RCSD1: variants seen among roughly 807,000 people sequenced by gnomAD.
The protein encoded by RCSD1 is capZ-interacting protein.
In RCSD1, 26 loss-of-function variants were observed where a neutral mutation model predicts 42.5. That is an observed-to-expected ratio of 0.61 (90% confidence interval 0.45 to 0.85). The LOEUF (loss-of-function observed/expected upper bound fraction) is 0.85, where lower values mean the gene tolerates loss of function less well. Among genes scored for constraint, RCSD1 ranks in the 40% least tolerant of loss-of-function variants. The pLI is 0.00. For synonymous variants in RCSD1, 220 were observed against 212.2 expected (o/e 1.04, Z -0.32); for missense variants, 571 against 528.3 (o/e 1.08, Z -0.79).
intron 1 of RCSD1, among the ~76,000 whole-genome samples, chr1:167,670,309 T>C (rs551886112): frequency 7.0e-6 from 1 of 143,624 alleles, no homozygotes; most frequent in South Asian, 2.4e-4. Flanking sequence ...AAATCACCCA[T>C]GCCAGCTATG....
intron 4 of RCSD1, among the ~76,000 whole-genome samples, chr1:167,692,986 A>C (rs555298653): frequency 1.3e-5 from 2 of 152,316 alleles, no homozygotes; most frequent in South Asian, 2.1e-4. Flanking sequence ...AAGTCAGGCC[A>C]AAAGGTTTGG....
chr1:167,704,988 A>AG lies in RCSD1; in HGVS notation c.*293dup. 3.1e-6 allele frequency: 1 copy of AG among 320,012 alleles called. No individual in the cohort carries two copies. The highest frequency in any genetic ancestry group is 6.0e-6 in the Non-Finnish European group (1 of 167,930). 19.8% of individuals were successfully genotyped at this position (320,012 alleles called of 1,614,324 possible). On this transcript the variant is annotated 3_prime_UTR_variant, in exon 7 of 7. Coordinates refer to ENST00000367854, the MANE Select transcript of RCSD1 (RefSeq NM_052862.4). Reference sequence around the variant, plus strand: ...CTTAAAACAATGTACTGTGGTGATGAGTCCCAGGGGCACTGGTCAGCCTGT... The same window carrying AG: ...CTTAAAACAATGTACTGTGGTGATGAGGTCCCAGGGGCACTGGTCAGCCTGT...
Position 167,697,833 on chromosome 1 carries a change from C to G in RCSD1, c.1209C>G (p.Pro403=). 1 of 1,463,494 alleles carries G rather than the reference C, an allele frequency of 6.8e-7. No individual in the cohort carries two copies. Among genetic ancestry groups the G allele is most frequent in the Non-Finnish European group, 9.0e-7 (1 of 1,107,566 alleles). 90.7% of individuals were successfully genotyped at this position (1,463,494 alleles called of 1,614,324 possible). Residue 403 remains proline, a synonymous_variant, in exon 6 of 7, where the codon CCC becomes CCG. Transcript: ENST00000367854. ...SSEVQSEPAV[P]KPEDDTPVQD... ...AGGTCCAGAGCGAGCCAGCAGTCCC[C>G]AAGCCGGAGGTAGGTGGCCTGGCTC...
At chr1:167,638,549 TG>T (rs1657915814) in intron 1 of RCSD1, 1 of 152,298 alleles carries the variant, frequency 6.6e-6, no homozygotes, top group Admixed American at 6.5e-5. Flanking sequence ...AGCACCTGTG[TG>T]GGCTCTCGGG....
intron 3 of RCSD1, among the ~76,000 whole-genome samples, chr1:167,686,811 A>G (rs1659246800): frequency 6.6e-6 from 1 of 152,200 alleles, no homozygotes; most frequent in African/African-American, 2.4e-5. Flanking sequence ...ACTGCTATGC[A>G]ATGGGTTGAG....
intron 1 of RCSD1, among the ~76,000 whole-genome samples, chr1:167,673,025 G>T (rs1430980245): frequency 6.6e-6 from 1 of 152,136 alleles, no homozygotes; most frequent in Non-Finnish European, 1.5e-5. Context: ...GGCTGAGACT[G>T]CAAGAGCTCA....
chr1:167,697,441 G>C lies in RCSD1; in HGVS notation c.817G>C (p.Gly273Arg), dbSNP rs1483195094. The C allele has an allele frequency of 6.2e-7, 1 of 1,611,992 alleles. No individual in the cohort carries two copies. Among genetic ancestry groups the C allele is most frequent in the Non-Finnish European group, 8.5e-7 (1 of 1,179,154 alleles). ...CAGGCGGAGTTCAGAGGAGGTGGAC[G>C]GCCAGCACCCGGCCCAAGAGGAGGT... ...KARRSSEEVD[G>R]QHPAQEEVPE... is the part of the protein sequence containing the mutation. The change falls in exon 6 of 7, where the codon GGC (glycine) becomes CGC (arginine). Residue 273 changes from glycine to arginine, a missense_variant. Coordinates refer to ENST00000367854, the MANE Select transcript of RCSD1 (RefSeq NM_052862.4).
chr1:167,680,337 G>T (rs1450821552), intron 1 of RCSD1, among the ~76,000 whole-genome samples: 1 of 152,102 alleles, frequency 6.6e-6, no homozygotes, highest in African/African-American at 2.4e-5. Flanking sequence ...CCATGGGGGT[G>T]AGTTGAGGGT....
rs1252985152 is a variant in RCSD1 at position 167,704,997 on chromosome 1, G to A, written c.*301G>A. On this transcript the variant is annotated 3_prime_UTR_variant, in exon 7 of 7. Coordinates refer to ENST00000367854, the MANE Select transcript of RCSD1 (RefSeq NM_052862.4). ...ATGTACTGTGGTGATGAGTCCCAGGGGCACTGGTCAGCCTGTGGAGCCCTG... is the reference window on the plus strand; with the variant it reads ...ATGTACTGTGGTGATGAGTCCCAGGAGCACTGGTCAGCCTGTGGAGCCCTG... 3.3e-6 allele frequency: 1 copy of A among 299,428 alleles called. No individual in the cohort carries two copies. The highest frequency in any genetic ancestry group is 6.4e-6 in the Non-Finnish European group (1 of 156,340). 18.5% of individuals were successfully genotyped at this position (299,428 alleles called of 1,614,324 possible).
intron 1 of RCSD1, among the ~76,000 whole-genome samples, chr1:167,661,242 G>A (rs905201965): frequency 6.6e-6 from 1 of 152,202 alleles, no homozygotes. Context: ...AAATGAAGTC[G>A]AGAAAAGATA....
rs142997417 is a variant in RCSD1, at chr1:167,632,553, C to G, written c.6+2124C>G. Among the ~76,000 whole-genome samples, 946 of 152,148 alleles carry G rather than the reference C, an allele frequency of 6.2e-3. 8 individuals carry two copies. Among genetic ancestry groups the G allele is most frequent in the East Asian group, 0.023 (117 of 5,172 alleles). On this transcript the variant is annotated intron_variant, in intron 1 of 6. Coordinates refer to ENST00000367854, the MANE Select transcript of RCSD1 (RefSeq NM_052862.4). ...GGATTGCAGTAAAAGAGAAGGCCCTCCCTTATTGAGATGTGTAGTAACTTA... is the reference window on the plus strand; with the variant it reads ...GGATTGCAGTAAAAGAGAAGGCCCTGCCTTATTGAGATGTGTAGTAACTTA...
At chr1:167,642,567 C>T (rs1658033639) in intron 1 of RCSD1, among the ~76,000 whole-genome samples, 1 of 152,180 alleles carries the variant, frequency 6.6e-6, no homozygotes, top group Non-Finnish European at 1.5e-5. Context: ...TTAAGGGCAT[C>T]TGTTTAGACT....
At chr1:167,703,326 G>C (rs938948705) in intron 6 of RCSD1, among the ~76,000 whole-genome samples, 5 of 151,902 alleles carry the variant, frequency 3.3e-5, no homozygotes, top group Admixed American at 6.6e-5. Flanking sequence ...CCTCAGCCCC[G>C]AGCATGACCA....
chr1:167,691,342 T>C (rs902245305), intron 4 of RCSD1, among the ~76,000 whole-genome samples: 1 of 152,180 alleles, frequency 6.6e-6, no homozygotes, highest in Non-Finnish European at 1.5e-5. Flanking sequence ...GAGTAATTAA[T>C]GAATGTTTTA....
intron 1 of RCSD1, 118 bp downstream of exon 1, chr1:167,630,547 C>G: frequency 2.6e-6 from 3 of 1,143,028 alleles, no homozygotes; most frequent in Non-Finnish European, 3.5e-6. Context: ...CTGCTGCCAA[C>G]TAGAAGGGCA....
At position 167,697,626 on chromosome 1, in the gene RCSD1, A is replaced by G. The variant is rs1300602470; in HGVS notation, c.1002A>G (p.Gln334=). The G allele has an allele frequency of 2.5e-6, 4 of 1,607,174 alleles. No homozygotes were observed. The highest frequency in any genetic ancestry group is 1.7e-5 in the Admixed American group (1 of 58,944). ...AGGTGGGACCTGAACATGACAGCCA[A>G]GAAACAAAGAAGCTGGAGGAGGGAG... ...NEEVGPEHDS[Q]ETKKLEEGAA... is the part of the protein sequence containing the mutation. Residue 334 remains glutamine (Q), a synonymous_variant, in exon 6 of 7, where the codon CAA becomes CAG. Transcript: ENST00000367854.
chr1:167,662,505 A>G (rs943690025), intron 1 of RCSD1, among the ~76,000 whole-genome samples: 25 of 151,912 alleles, frequency 1.6e-4, no homozygotes, highest in Admixed American at 8.5e-4. Context: ...CATCTTGGTC[A>G]CTGTTCTTCA....
At chr1:167,684,282 C>G (rs577324553) in intron 2 of RCSD1, among the ~76,000 whole-genome samples, 1 of 152,206 alleles carries the variant, frequency 6.6e-6, no homozygotes, top group Non-Finnish European at 1.5e-5. Flanking sequence ...GATCATCCAC[C>G]TATACAGACT....
intron 5 of RCSD1, among the ~76,000 whole-genome samples, chr1:167,694,622 T>C (rs550237140): frequency 1.9e-4 from 29 of 152,144 alleles, no homozygotes; most frequent in Non-Finnish European, 3.1e-4. Flanking sequence ...AGCTGCATAG[T>C]TCATTAATGT....
Sources: allele counts gnomAD v4.1 joint callset (sites outside exome capture counted in the v4.1 genomes callset), GRCh38; gene constraint gnomAD v4.1.1; transcripts MANE v1.5; gene names NCBI Gene and HGNC (gene_info 2026-07-23, HGNC 2026-07-21).